Variants in FBLN1 observed in about 807,000 individuals in gnomAD.
FBLN1 encodes the protein fibulin-1.
A neutral mutation model predicts 89.7 loss-of-function variants in FBLN1; 34 were observed. The observed-to-expected ratio is 0.38, with a 90% CI of 0.29 to 0.50. The LOEUF (loss-of-function observed/expected upper bound fraction) is 0.50. Ranked by LOEUF, FBLN1 falls within the 20% of genes least tolerant of loss-of-function variation. FBLN1 has a pLI of 0.92. For missense variants in FBLN1, 777 were observed against 988.1 expected (o/e 0.79, Z 2.86); for synonymous variants, 393 against 391.3 (o/e 1.00, Z -0.05).
chr22:45,574,409 G>A lies in FBLN1; in HGVS notation c.1698-102G>A. 1.6e-6 allele frequency: 2 copies of A among 1,265,634 alleles called. No homozygotes were observed. Among genetic ancestry groups the A allele is most frequent in the South Asian group, 2.5e-5 (2 of 80,944 alleles). 78.4% of individuals were successfully genotyped at this position (1,265,634 alleles called of 1,614,324 possible). A position where few individuals can be genotyped will look rare whatever the true frequency, so the allele number is the denominator to read the frequency against. On this transcript the variant is annotated intron_variant, in intron 14 of 16. Transcript: ENST00000327858. This position sits in a 1 kb window ranked among gnomAD's most constrained non-coding sequence, Gnocchi z 4.1. The stretch of plus-strand genomic sequence containing the variant: ...TGATGGAGCTGTCTCTGGGACAGAT[G>A]CCCCTGCCCTGGCCACCTGCTCCTC...
chr22:45,523,130 G>T, intron 2 of FBLN1: 1 of 778,718 alleles, frequency 1.3e-6, no homozygotes. Flanking sequence ...ACCTGAATGG[G>T]GCGTGGGCAG....
chr22:45,535,235 C>T lies in FBLN1; in HGVS notation c.820C>T (p.Leu274Phe). 2 of 1,614,132 alleles carry T rather than the reference C, an allele frequency of 1.2e-6. No individual in the cohort carries two copies. Among genetic ancestry groups the T allele is most frequent in the Non-Finnish European group, 1.7e-6 (2 of 1,179,988 alleles). The change falls in exon 8 of 17, where the codon CTC becomes TTC. Residue 274 changes from leucine (L) to phenylalanine (F), a missense_variant. By Grantham distance (22) the Leu-to-Phe change is conservative. Transcript: ENST00000327858. ...GTGTGAGAGTGGTATTCATAACTGC[C>T]TCCCCGATTTTATCTGTCAGAATAC... ...DECESGIHNC[L>F]PDFICQNTLG...
chr22:45,510,004 G>T (rs2088077610), intron 1 of FBLN1, among the ~76,000 whole-genome samples: 1 of 152,110 alleles, frequency 6.6e-6, no homozygotes, highest in Non-Finnish European at 1.5e-5. Flanking sequence ...CTGAGTTTTT[G>T]AGCTTGAGCA....
chr22:45,597,971 AG>A lies in FBLN1; in HGVS notation c.1973-2334del, dbSNP rs1184192717. On this transcript the variant is annotated intron_variant, in intron 16 of 16. Coordinates refer to ENST00000327858, the MANE Select transcript of FBLN1 (RefSeq NM_006486.3). This position sits in a 1 kb window ranked among gnomAD's most constrained non-coding sequence, Gnocchi z 4.2. ...ACCAGGAACCAGCCACTCGTACCGA[AG>A]GCCTTCCTGACCCCTCAGTTCTCCC... Among the ~76,000 whole-genome samples the A allele has an allele frequency of 3.9e-5, 6 of 152,160 alleles. No homozygotes were observed. The highest frequency in any genetic ancestry group is 1.4e-4 in the African/African-American group (6 of 41,442).
chr22:45,548,564 A>G (rs1263448416), intron 12 of FBLN1, 49 bp from the exon 13 acceptor site: 1 of 1,611,554 alleles, frequency 6.2e-7, no homozygotes, highest in Non-Finnish European at 8.5e-7. Context: ...GCCAGCAGCC[A>G]TGGCCAGGTG....
chr22:45,510,049 CA>C (rs1265896423), intron 1 of FBLN1, among the ~76,000 whole-genome samples: 1 of 152,120 alleles, frequency 6.6e-6, no homozygotes, highest in Non-Finnish European at 1.5e-5. Flanking sequence ...GGCTTCTGAT[CA>C]CATGCCTTTA....
In FBLN1 at chr22:45,535,383, C is replaced by G. The variant is rs1257857959; in HGVS notation, c.922+46C>G. The G allele has an allele frequency of 4.3e-6, 7 of 1,609,516 alleles. No individual in the cohort carries two copies. The South Asian group carries it at 7.7e-5, about 18-fold the overall frequency. ...ATTAGCGGGTTATTCCAGGAGGGGC[C>G]AGCGACCTAGCCTTGGGGCAGGCCT... On this transcript the variant is annotated intron_variant, in intron 8 of 16. Transcript: ENST00000327858.
At chr22:45,554,984 G>A (rs116115005) in intron 14 of FBLN1, among the ~76,000 whole-genome samples, 3,571 of 148,264 alleles carry the variant, frequency 0.024, 173 homozygotes, top group African/African-American at 0.086. Context: ...GTTAGGACCC[G>A]TCCCCGTCTC....
Position 45,533,184 on chromosome 22 carries a change from T to A in FBLN1, c.646+20T>A. On this transcript the variant is annotated intron_variant, in intron 6 of 16. Coordinates refer to ENST00000327858, the MANE Select transcript of FBLN1 (RefSeq NM_006486.3). ...GTGAAGGTAATGTCCCTATCCCAGGTGCCAGCAGGACTGGCCGGTCACTGT... is the reference window on the plus strand; with the variant it reads ...GTGAAGGTAATGTCCCTATCCCAGGAGCCAGCAGGACTGGCCGGTCACTGT... 2 of 1,604,266 alleles carry A rather than the reference T, an allele frequency of 1.2e-6. No homozygotes were observed. Among genetic ancestry groups the A allele is most frequent in the South Asian group, 2.2e-5 (2 of 90,888 alleles).
chr22:45,553,611 T>G (rs1222303872), intron 14 of FBLN1, among the ~76,000 whole-genome samples: 1 of 152,222 alleles, frequency 6.6e-6, no homozygotes, highest in Non-Finnish European at 1.5e-5. Flanking sequence ...ACATGTTTAT[T>G]TTTGTGCATT....
chr22:45,540,106 A>G (rs537412819), intron 8 of FBLN1, among the ~76,000 whole-genome samples: 1 of 152,318 alleles, frequency 6.6e-6, no homozygotes, highest in Admixed American at 6.5e-5. Context: ...AAGCAGGTGT[A>G]AGCCGGGTTT....
intron 14 of FBLN1, among the ~76,000 whole-genome samples, chr22:45,569,230 A>T (rs1324647278): frequency 6.6e-6 from 1 of 152,210 alleles, no homozygotes; most frequent in African/African-American, 2.4e-5. Flanking sequence ...TGAATTCCTA[A>T]TCCCTAATAC....
intron 11 of FBLN1, among the ~76,000 whole-genome samples, chr22:45,544,808 A>G (rs2088605351): frequency 6.6e-6 from 1 of 151,980 alleles, no homozygotes; most frequent in East Asian, 1.9e-4. Flanking sequence ...GATAACACCA[A>G]CCTCCTGGGC....
chr22:45,560,209 C>T (rs1355738507), intron 14 of FBLN1, among the ~76,000 whole-genome samples: 1 of 152,240 alleles, frequency 6.6e-6, no homozygotes, highest in Non-Finnish European at 1.5e-5. Flanking sequence ...CACTTGGCCA[C>T]TGCCACCTCA....
At chr22:45,527,183 A>G (rs1038135574) in intron 3 of FBLN1, among the ~76,000 whole-genome samples, 1 of 152,090 alleles carries the variant, frequency 6.6e-6, no homozygotes, top group Non-Finnish European at 1.5e-5. Context: ...ATAACCACTT[A>G]ATAAAGACTG....
chr22:45,590,567 A>C lies in FBLN1; in HGVS notation c.1973-9740A>C, dbSNP rs1392693474. On this transcript the variant is annotated intron_variant, in intron 16 of 16. Coordinates refer to ENST00000327858, the MANE Select transcript of FBLN1 (RefSeq NM_006486.3). The surrounding 1 kb of genome is among the most constrained non-coding windows in gnomAD (Gnocchi z 4.1). ...CGGTTGGATTTACCTCCTGGCTCTGAGCACAGTGGGAAGAGGCATGGGAGG... is the reference window on the plus strand; with the variant it reads ...CGGTTGGATTTACCTCCTGGCTCTGCGCACAGTGGGAAGAGGCATGGGAGG... Among the ~76,000 whole-genome samples the C allele has an allele frequency of 2.0e-5, 3 of 152,140 alleles. No individual in the cohort carries two copies. The highest frequency in any genetic ancestry group is 7.2e-5 in the African/African-American group (3 of 41,432).
At chr22:45,559,399 T>C (rs5765474) in intron 14 of FBLN1, among the ~76,000 whole-genome samples, 98,327 of 152,124 alleles carry the variant, frequency 0.65, 32,708 homozygotes, top group African/African-American at 0.82. Flanking sequence ...CACTAATCTC[T>C]GCAATCCCTC....
intron 2 of FBLN1, among the ~76,000 whole-genome samples, chr22:45,525,231 A>AAAAG (rs1406664019): frequency 1.3e-5 from 2 of 152,120 alleles, no homozygotes; most frequent in African/African-American, 2.4e-5. Flanking sequence ...AAAAGAAAAG[A>AAAAG]AAAGAAAGAA....
In FBLN1 at chr22:45,560,341, A is replaced by C. The variant is rs570237778; in HGVS notation, c.1697+9726A>C. 3.3e-5 allele frequency among the ~76,000 whole-genome samples: 5 copies of C among 152,342 alleles called. No individual in the cohort carries two copies. In the South Asian group the frequency reaches 1.0e-3, roughly 32 times the overall value. On this transcript the variant is annotated intron_variant, in intron 14 of 16. Coordinates refer to ENST00000327858, the MANE Select transcript of FBLN1 (RefSeq NM_006486.3). ...CTTCAAAGATGCAGGTGCTGCCCTC[A>C]CAAATCTGTTTCGAAAGACATTGGT...
Sources: gnomAD v4.1 joint callset for allele counts (sites outside exome capture counted in the v4.1 genomes callset) on GRCh38, gnomAD v4.1.1 for gene constraint, Gnocchi (gnomAD v3.1) non-coding constraint, MANE v1.5 for transcripts, NCBI Gene and HGNC (gene_info 2026-07-23, HGNC 2026-07-21) for gene names.